The following STN1 variants were observed in gnomAD, a reference collection of about 807,000 sequenced individuals.
STN1 encodes the protein CST complex subunit STN1.
Under a neutral mutation model 45.5 loss-of-function variants are expected in STN1, and 29 were observed. That is an observed-to-expected ratio of 0.64 (90% CI 0.47 to 0.87). The LOEUF (loss-of-function observed/expected upper bound fraction) is 0.87. Ranked by LOEUF, STN1 falls within the 40% of genes least tolerant of loss-of-function variation. The probability of loss-of-function intolerance (pLI) is 0.00; values close to 1 mark genes in which losing one functional copy is unlikely to be tolerated. For synonymous variants in STN1, 148 were observed against 159.0 expected (o/e 0.93, Z 0.52); for missense variants, 376 against 441.4 (o/e 0.85, Z 1.33).
chr10:103,916,405 T>C (rs1401493845), intron 2 of STN1, among the ~76,000 whole-genome samples: 1 of 152,326 alleles, frequency 6.6e-6, no homozygotes, highest in East Asian at 1.9e-4. Flanking sequence ...TTGGCTGCCT[T>C]CCAAGGGAAA....
intron 2 of STN1, among the ~76,000 whole-genome samples, chr10:103,916,447 T>C (rs890670563): frequency 6.6e-6 from 1 of 152,140 alleles, no homozygotes; most frequent in Non-Finnish European, 1.5e-5. Flanking sequence ...AATTAGGAAA[T>C]AAAGGTGTGG....
At chr10:103,914,374 A>ATATTTTTTTTT (rs1554837551) in intron 2 of STN1, among the ~76,000 whole-genome samples, 2 of 97,416 alleles carry the variant, frequency 2.1e-5, no homozygotes, top group African/African-American at 9.8e-5. Context: ...ATATATATAT[A>ATATTTTTTTTT]TTTTTTTTTT....
chr10:103,894,760 CCTCGCCTCAT>C (rs1843160968), intron 7 of STN1, among the ~76,000 whole-genome samples: 1 of 151,390 alleles, frequency 6.6e-6, no homozygotes. Context: ...CTTTACCAAG[CCTCGCCTCAT>C]CTCAGGTCAG....
intron 2 of STN1, among the ~76,000 whole-genome samples, chr10:103,914,335 C>CATATAT (rs1239270984): frequency 1.4e-4 from 5 of 35,556 alleles, no homozygotes; most frequent in South Asian, 1.7e-3. Context: ...ATTAAAAATA[C>CATATAT]ATATATATAT....
chr10:103,914,183 A>T (rs1843309199), intron 2 of STN1, among the ~76,000 whole-genome samples: 1 of 151,706 alleles, frequency 6.6e-6, no homozygotes, highest in South Asian at 2.1e-4. Flanking sequence ...TTTCCACTTC[A>T]TTGTACCCAC....
Position 103,917,546 on chromosome 10 carries a change from A to C in STN1, c.49T>G (p.Trp17Gly). The change falls in exon 2 of 10, where the codon TGG becomes GGG. Residue 17 changes from tryptophan (W) to glycine (G), a missense_variant. Trp to Gly is a radical substitution (Grantham distance 184). Coordinates refer to ENST00000224950, the MANE Select transcript of STN1 (RefSeq NM_024928.5). ...RCEEETPSLL[W>G]GLDPVFLAFA... ...GCTAGAAACACAGGATCCAAACCCC[A>C]CAAGAGGGAAGGGGTCTCCTCTTCA... is the stretch of plus-strand genomic sequence containing the variant. 6.2e-7 allele frequency: 1 copy of C among 1,614,106 alleles called. No homozygotes were observed. The highest frequency in any genetic ancestry group is 1.7e-4 in the Middle Eastern group (1 of 6,058).
Position 103,882,651 on chromosome 10 carries a change from T to C in STN1, c.*33A>G. 1 of 1,574,720 alleles carries C rather than the reference T, an allele frequency of 6.4e-7. No homozygotes were observed. On this transcript the variant is annotated 3_prime_UTR_variant, in exon 10 of 10. Coordinates refer to ENST00000224950, the MANE Select transcript of STN1 (RefSeq NM_024928.5). ...GCCTGGGGGTGAATGCCACCTTATC[T>C]TTGTCCTCCTCAGCTGGTCTGCGTG...
Position 103,910,609 on chromosome 10 carries a change from G to C in STN1, c.147C>G (p.Tyr49Ter). Residue 49 changes from tyrosine (Y) to a stop codon, truncating the protein, a stop_gained, in exon 3 of 10, where the codon TAC becomes TAG. Transcript: ENST00000224950. LOFTEE classifies it high-confidence loss of function. ...ESRQVPGVFL[Y>*]NGHPIKQVDV... ...CTACCTGTTTTATTGGATGTCCATT[G>C]TACAAAAATACACCTAAAATTTAAA... 6.2e-7 allele frequency: 1 copy of C among 1,602,332 alleles called. No individual in the cohort carries two copies.
chr10:103,900,536 C>T lies in STN1; in HGVS notation c.296-313G>A, dbSNP rs73342602. On this transcript the variant is annotated intron_variant, in intron 4 of 9. Coordinates refer to ENST00000224950, the MANE Select transcript of STN1 (RefSeq NM_024928.5). ...AGTGCAGTCAAAGGGCTCTGCATGG[C>T]CTTGAGACAAATTCTGTACAATGAG... is the stretch of plus-strand genomic sequence containing the variant. 1.6e-3 allele frequency among the ~76,000 whole-genome samples: 238 copies of T among 152,290 alleles called. 2 individuals are homozygous for T. The highest frequency in any genetic ancestry group is 5.6e-3 in the African/African-American group (232 of 41,542).
chr10:103,904,539 C>T (rs767414617), intron 4 of STN1, among the ~76,000 whole-genome samples: 1 of 151,846 alleles, frequency 6.6e-6, no homozygotes, highest in Non-Finnish European at 1.5e-5. Context: ...ATTCACTATA[C>T]AATTTTAAAG....
intron 4 of STN1, 63 bp from the exon 5 acceptor site, chr10:103,900,286 T>G (rs902926000): frequency 2.0e-6 from 3 of 1,532,272 alleles, no homozygotes; most frequent in Non-Finnish European, 2.7e-6. Context: ...CTACCACATC[T>G]GTGAGACAGT....
Position 103,910,599 on chromosome 10 carries a change from G to GA in STN1, c.156dup (p.Pro53SerfsTer27). 2 of 1,606,736 alleles carry GA rather than the reference G, an allele frequency of 1.2e-6. No homozygotes were observed. Among genetic ancestry groups the GA allele is most frequent in the Non-Finnish European group, 1.7e-6 (2 of 1,174,264 alleles). ...CCCAAGACATCTACCTGTTTTATTG[G>GA]ATGTCCATTGTACAAAAATACACCT... On this transcript the variant is annotated frameshift_variant, in exon 3 of 10. Transcript: ENST00000224950. LOFTEE classifies it high-confidence loss of function.
chr10:103,904,960 C>A, intron 4 of STN1, 131 bp downstream of exon 4: 1 of 808,590 alleles, frequency 1.2e-6, no homozygotes. Flanking sequence ...GGGTATAGTG[C>A]TTCAGGTAGA....
intron 2 of STN1, 70 bp downstream of exon 2, chr10:103,917,392 C>A: frequency 6.6e-7 from 1 of 1,511,700 alleles, no homozygotes; most frequent in East Asian, 2.3e-5. Context: ...CCTCTAATCC[C>A]AGCTTTCTGA....
chr10:103,890,086 A>C (rs1843129887), intron 8 of STN1, among the ~76,000 whole-genome samples: 1 of 152,186 alleles, frequency 6.6e-6, no homozygotes, highest in African/African-American at 2.4e-5. Flanking sequence ...CAGTGAATCT[A>C]GTAACAAAAA....
chr10:103,907,611 C>G (rs536304852), intron 3 of STN1, among the ~76,000 whole-genome samples: 81 of 152,300 alleles, frequency 5.3e-4, no homozygotes, highest in African/African-American at 1.8e-3. Context: ...CACCCAAACA[C>G]TGACATTGTT....
At chr10:103,889,256 C>A (rs1392885565) in intron 8 of STN1, 112 bp from the exon 9 acceptor site, 10 of 698,216 alleles carry the variant, frequency 1.4e-5, no homozygotes, top group Middle Eastern at 2.5e-4. Flanking sequence ...ACATAATAAT[C>A]ATCTTCCCTA....
chr10:103,888,893 G>C (rs11191843), intron 9 of STN1, among the ~76,000 whole-genome samples, 179 bp downstream of exon 9: 67,594 of 151,970 alleles, frequency 0.44, 15,734 homozygotes, highest in Non-Finnish European at 0.5. Flanking sequence ...AACTGTGCTA[G>C]CCCAACACTC....
intron 7 of STN1, among the ~76,000 whole-genome samples, chr10:103,893,108 A>C (rs1185677546): frequency 6.6e-6 from 1 of 152,090 alleles, no homozygotes; most frequent in East Asian, 1.9e-4. Flanking sequence ...TTATTATTCC[A>C]TTGGGGATTT....
Sources: allele counts gnomAD v4.1 joint callset (sites outside exome capture counted in the v4.1 genomes callset), GRCh38; gene constraint gnomAD v4.1.1; transcripts MANE v1.5; gene names NCBI Gene and HGNC (gene_info 2026-07-23, HGNC 2026-07-21).